MRGPRX3: variants seen among roughly 807,000 people sequenced by gnomAD.
The protein encoded by MRGPRX3 is MAS related GPR family member X3.
MRGPRX3 carries 14 observed loss-of-function variants against 16.5 expected under a neutral mutation model. That is an observed-to-expected ratio of 0.85 (90% CI 0.56 to 1.33). The LOEUF is 1.33. Ranked by LOEUF, MRGPRX3 falls within the 40% of genes most tolerant of loss-of-function variation. MRGPRX3 has a pLI of 0.00. For missense variants in MRGPRX3, 449 were observed against 413.0 expected, an observed-to-expected ratio of 1.09 and a Z score of -0.76; for synonymous variants, 199 against 180.1, an observed-to-expected ratio of 1.10 and a Z score of -0.84.
At chr11:18,128,753 C>T (rs1041699017), upstream of MRGPRX3, among the ~76,000 whole-genome samples, 21 of 152,326 alleles carry the variant, frequency 1.4e-4, no homozygotes, top group Middle Eastern at 3.4e-3. Flanking sequence ...CGCCCTGCTT[C>T]GGCTCACACT....
rs1406765249 is a variant in MRGPRX3, at chr11:18,137,244, A to C, written c.42A>C (p.Pro14=). The C allele has an allele frequency of 3.1e-6, 5 of 1,612,830 alleles. No homozygotes were observed. The Admixed American group carries it at 8.3e-5, about 27-fold the overall frequency. The part of the protein sequence containing the change: ...TIPVLGTELT[P]INGREETPCY... ...CAGTCTTGGGTACAGAACTGACACC[A>C]ATCAACGGACGTGAGGAGACTCCTT... Residue 14 remains proline (P), a synonymous_variant, in exon 2 of 2, where the codon CCA becomes CCC. Transcript: ENST00000621697.
Position 18,137,379 on chromosome 11 carries a change from C to T in MRGPRX3, c.177C>T (p.Asn59=), listed in dbSNP as rs770771697. 157 of 1,614,096 alleles carry T rather than the reference C, an allele frequency of 9.7e-5. No individual in the cohort carries two copies. Among genetic ancestry groups the T allele is most frequent in the Non-Finnish European group, 1.2e-4 (145 of 1,180,044 alleles). ...LWLLGCRMRR[N]AVSIYILNLV... is the part of the protein sequence containing the mutation. ...TCCTGGGCTGCCGCATGCGCAGGAA[C>T]GCTGTCTCCATCTACATCCTCAACC... The change falls in exon 2 of 2, where the codon AAC becomes AAT. Residue 59 remains asparagine (N), a synonymous_variant. Transcript: ENST00000621697.
upstream of MRGPRX3, among the ~76,000 whole-genome samples, chr11:18,128,555 A>G (rs558625403): frequency 6.6e-6 from 1 of 152,186 alleles, no homozygotes; most frequent in Non-Finnish European, 1.5e-5. Flanking sequence ...GCGAGGCTCC[A>G]TGGGCATAGG....
intron 1 of MRGPRX3, among the ~76,000 whole-genome samples, chr11:18,124,218 A>G (rs1848868294): frequency 1.3e-5 from 2 of 152,150 alleles, no homozygotes. Context: ...AGAACTTCCA[A>G]CACTATGTTG....
At chr11:18,123,278 A>G (rs1345844263) in intron 1 of MRGPRX3, among the ~76,000 whole-genome samples, 1 of 152,016 alleles carries the variant, frequency 6.6e-6, no homozygotes, top group Non-Finnish European at 1.5e-5. Flanking sequence ...TATGTCCCGA[A>G]TGGTATTGCC....
At position 18,137,479 on chromosome 11, in the gene MRGPRX3, C is replaced by G. The variant is rs1273588026; in HGVS notation, c.277C>G (p.Pro93Ala). ...SPLRLINIRH[P>A]ISKILSPVMT... Reference sequence around the variant, plus strand: ...GTTACGCCTCATCAATATCCGCCATCCCATCTCCAAAATCCTCAGTCCTGT... The same window carrying G: ...GTTACGCCTCATCAATATCCGCCATGCCATCTCCAAAATCCTCAGTCCTGT... Residue 93 changes from proline (P) to alanine (A), a missense_variant, in exon 2 of 2, where the codon CCC becomes GCC. By Grantham distance (27) the Pro-to-Ala change is conservative. Coordinates refer to ENST00000621697, the MANE Select transcript of MRGPRX3 (RefSeq NM_001370464.1). The G allele has an allele frequency of 6.2e-7, 1 of 1,614,176 alleles. No homozygotes were observed. Among genetic ancestry groups the G allele is most frequent in the Non-Finnish European group, 8.5e-7 (1 of 1,180,036 alleles).
chr11:18,125,917 G>C (rs979327130), intron 1 of MRGPRX3, among the ~76,000 whole-genome samples: 3 of 152,198 alleles, frequency 2.0e-5, no homozygotes, highest in Admixed American at 6.5e-5. Flanking sequence ...TCTTCTTGTT[G>C]AATTGATCCC....
intron 1 of MRGPRX3, among the ~76,000 whole-genome samples, chr11:18,127,282 G>A (rs1848910498): frequency 6.6e-6 from 1 of 152,086 alleles, no homozygotes; most frequent in Non-Finnish European, 1.5e-5. Context: ...TATCTTTGTG[G>A]CATTCTCTGT....
chr11:18,123,516 C>T (rs1848860982), intron 1 of MRGPRX3, among the ~76,000 whole-genome samples: 1 of 152,124 alleles, frequency 6.6e-6, no homozygotes, highest in African/African-American at 2.4e-5. Flanking sequence ...GGCATTATTT[C>T]TGAGGGCTCT....
upstream of MRGPRX3, among the ~76,000 whole-genome samples, chr11:18,129,679 G>C (rs559021383): frequency 1.3e-5 from 2 of 152,220 alleles, no homozygotes; most frequent in African/African-American, 4.8e-5. Flanking sequence ...CTAAAGCATT[G>C]TATGAAGCCA....
At chr11:18,135,437 G>A (rs1848999865) in intron 1 of MRGPRX3, among the ~76,000 whole-genome samples, 2 of 152,134 alleles carry the variant, frequency 1.3e-5, no homozygotes, top group Non-Finnish European at 2.9e-5. Flanking sequence ...CCCTAAGAGA[G>A]CTCATGATGG....
intron 1 of MRGPRX3, among the ~76,000 whole-genome samples, chr11:18,121,541 C>T (rs1326576196): frequency 6.9e-6 from 1 of 145,552 alleles, no homozygotes; most frequent in Admixed American, 6.8e-5. Flanking sequence ...GACAATGGCG[C>T]CTTTGTGGAA....
chr11:18,127,522 G>C (rs1240758309), intron 1 of MRGPRX3, among the ~76,000 whole-genome samples: 4 of 151,844 alleles, frequency 2.6e-5, no homozygotes, highest in Non-Finnish European at 5.9e-5. Flanking sequence ...TCATTCATTT[G>C]ATCTTCCATC....
chr11:18,128,423 C>T (rs1848924909), upstream of MRGPRX3, among the ~76,000 whole-genome samples: 1 of 152,258 alleles, frequency 6.6e-6, no homozygotes, highest in Non-Finnish European at 1.5e-5. Context: ...CAGTGGGCTT[C>T]ACCCAGTTGG....
upstream of MRGPRX3, among the ~76,000 whole-genome samples, chr11:18,129,251 G>T (rs4565876): frequency 0.058 from 8,883 of 152,110 alleles, 340 homozygotes; most frequent in Middle Eastern, 0.14. Context: ...ACAAAAAGCT[G>T]GTTCTTTGAA....
chr11:18,125,536 G>A lies in MRGPRX3; in HGVS notation c.-152+4372G>A, dbSNP rs184629380. Reference sequence around the variant, plus strand: ...CTTAATCTTGAGTTCTAATTTGATTGCACTGTGGTCTAAGAGAGAGTTTGT... The same window carrying A: ...CTTAATCTTGAGTTCTAATTTGATTACACTGTGGTCTAAGAGAGAGTTTGT... On this transcript the variant is annotated intron_variant, in intron 1 of 2. Transcript: ENST00000396275. Among the ~76,000 whole-genome samples, 250 of 152,232 alleles carry A rather than the reference G, an allele frequency of 1.6e-3. 1 individual carries two copies. Among genetic ancestry groups the A allele is most frequent in the African/African-American group, 5.8e-3 (242 of 41,520 alleles).
chr11:18,125,268 G>T (rs982098663), intron 1 of MRGPRX3, among the ~76,000 whole-genome samples: 3 of 151,966 alleles, frequency 2.0e-5, no homozygotes, highest in Non-Finnish European at 2.9e-5. Context: ...CTAGTTCTTT[G>T]AATTGTGATG....
In MRGPRX3 at chr11:18,123,529, T is replaced by C. The variant is rs1848861102; in HGVS notation, c.-152+2365T>C. Among the ~76,000 whole-genome samples, 7 of 152,208 alleles carry C rather than the reference T, an allele frequency of 4.6e-5. No homozygotes were observed. The South Asian group carries it at 1.4e-3, about 32-fold the overall frequency. On this transcript the variant is annotated intron_variant, in intron 1 of 2. Coordinates refer to the MRGPRX3 transcript ENST00000396275. The stretch of plus-strand genomic sequence containing the variant: ...GTGGCATTATTTCTGAGGGCTCTGT[T>C]CTGTTCCATTGGTCTATATCTCTGT...
intron 1 of MRGPRX3, among the ~76,000 whole-genome samples, chr11:18,135,401 C>T (rs1474890629): frequency 6.6e-6 from 1 of 152,114 alleles, no homozygotes; most frequent in Non-Finnish European, 1.5e-5. Context: ...CCTTTTTGGG[C>T]CAATCAGAGC....
Sources: gnomAD v4.1 joint callset for allele counts (sites outside exome capture counted in the v4.1 genomes callset) on GRCh38, gnomAD v4.1.1 for gene constraint, MANE v1.5 for transcripts, NCBI Gene and HGNC (gene_info 2026-07-23, HGNC 2026-07-21) for gene names.